ZNF391: variants seen among roughly 807,000 people sequenced by gnomAD.
ZNF391 encodes zinc finger protein 391.
For synonymous variants in ZNF391, 126 were observed against 142.1 expected (o/e 0.89, Z 0.80); for missense variants, 375 against 425.5 (o/e 0.88, Z 1.04).
rs551428754 is a variant in ZNF391, at chr6:27,402,168, A to C, written c.*721A>C. ...TATTTTTACCAAGAATGTTCTAAAA[A>C]TCTTGGAGACGTTCCTCCATGATCT... On this transcript the variant is annotated 3_prime_UTR_variant, in exon 3 of 3. Coordinates refer to ENST00000244576, the MANE Select transcript of ZNF391 (RefSeq NM_001076781.3). 14 of 152,304 alleles carry C rather than the reference A, an allele frequency of 9.2e-5. No homozygotes were observed. Among genetic ancestry groups the C allele is most frequent in the African/African-American group, 2.4e-4 (10 of 41,566 alleles). 9.4% of individuals were successfully genotyped at this position (152,304 alleles called of 1,614,324 possible).
At chr6:27,394,444 T>A (rs2113654251) in intron 1 of ZNF391, among the ~76,000 whole-genome samples, 1 of 152,354 alleles carries the variant, frequency 6.6e-6, no homozygotes, top group African/African-American at 2.4e-5. Context: ...AGCCTGTGGA[T>A]ATGCACAGTG....
In ZNF391 at chr6:27,381,135, G is replaced by A. The variant is rs534628656; in HGVS notation, n.523+5998G>A. On this transcript the variant is annotated intron_variant and non_coding_transcript_variant, in intron 1 of 2. Coordinates refer to the ZNF391 transcript ENST00000477999. ...AGCAGGGGGCGGCGCTCATCGGGGA[G>A]GCTTGGGCCGCACAGGAGCCCACGG... is the stretch of plus-strand genomic sequence containing the variant. Among the ~76,000 whole-genome samples, 244 of 152,368 alleles carry A rather than the reference G, an allele frequency of 1.6e-3. 1 individual carries two copies. The highest frequency in any genetic ancestry group is 5.5e-3 in the African/African-American group (229 of 41,594).
chr6:27,380,331 C>T (rs1275333183), intron 1 of ZNF391, among the ~76,000 whole-genome samples: 1 of 150,752 alleles, frequency 6.6e-6, no homozygotes, highest in Non-Finnish European at 1.5e-5. Context: ...CATAGCCTGG[C>T]GGCTCAGGAG....
rs945772832 is a variant in ZNF391, at chr6:27,403,125, C to G, written c.*1678C>G. 4.2e-5 allele frequency: 6 copies of G among 143,616 alleles called. No individual in the cohort carries two copies. The highest frequency in any genetic ancestry group is 1.6e-4 in the African/African-American group (6 of 38,328). The allele number at this position is 143,616 out of a possible 1,614,324, so 8.9% of individuals were successfully genotyped here. ...TTGACTCACTACCATTATCTAGCTC[C>G]TTACTAAACTACTACTTTGTTAAAA... On this transcript the variant is annotated 3_prime_UTR_variant, in exon 3 of 3. Coordinates refer to ENST00000244576, the MANE Select transcript of ZNF391 (RefSeq NM_001076781.3).
In ZNF391 at chr6:27,389,028, C is replaced by G. The variant is rs1210270660; in HGVS notation, c.-235C>G. ...CCGCCCGGGGTGTGTCGGGGGTACT[C>G]GGCCGGAGGCGGCCGGTGAGTGAGG... On this transcript the variant is annotated 5_prime_UTR_variant, in exon 1 of 3. Transcript: ENST00000244576. The G allele has an allele frequency of 4.4e-6, 2 of 455,964 alleles. No homozygotes were observed. Among genetic ancestry groups the G allele is most frequent in the Non-Finnish European group, 4.4e-6 (1 of 226,694 alleles). 28.2% of individuals were successfully genotyped at this position (455,964 alleles called of 1,614,324 possible). A position where few individuals can be genotyped will look rare whatever the true frequency, so the allele number is the denominator to read the frequency against.
chr6:27,397,448 T>G (rs2113658126), intron 1 of ZNF391, among the ~76,000 whole-genome samples: 1 of 152,210 alleles, frequency 6.6e-6, no homozygotes, highest in Admixed American at 6.5e-5. Flanking sequence ...ATTTTTTTCT[T>G]TTTTTCAGGG....
At chr6:27,397,083 T>A (rs770265651) in intron 1 of ZNF391, among the ~76,000 whole-genome samples, 1 of 152,232 alleles carries the variant, frequency 6.6e-6, no homozygotes, top group Non-Finnish European at 1.5e-5. Context: ...CTTGCATTGC[T>A]ATGGAAATGA....
intron 1 of ZNF391, among the ~76,000 whole-genome samples, chr6:27,389,987 G>C (rs185048733): frequency 2.0e-5 from 3 of 152,270 alleles, no homozygotes; most frequent in African/African-American, 7.2e-5. Flanking sequence ...CAATATCTGG[G>C]AACATTGTTA....
rs1761971295 is a variant in ZNF391 at position 27,401,593 on chromosome 6, T to C, written c.*146T>C. On this transcript the variant is annotated 3_prime_UTR_variant, in exon 3 of 3. Coordinates refer to ENST00000244576, the MANE Select transcript of ZNF391 (RefSeq NM_001076781.3). Reference sequence around the variant, plus strand: ...CCGTTTTAAGCTTTCATTCGTTCTTTCCATCCATCTATCCTTCTTTCGTCT... The same window carrying C: ...CCGTTTTAAGCTTTCATTCGTTCTTCCCATCCATCTATCCTTCTTTCGTCT... 2 of 552,200 alleles carry C rather than the reference T, an allele frequency of 3.6e-6. No individual in the cohort carries two copies. The highest frequency in any genetic ancestry group is 6.0e-6 in the Non-Finnish European group (2 of 334,544). The allele number at this position is 552,200 out of a possible 1,614,324, so 34.2% of individuals were successfully genotyped here.
chr6:27,388,507 T>C (rs934499875), upstream of ZNF391, among the ~76,000 whole-genome samples: 1 of 152,168 alleles, frequency 6.6e-6, no homozygotes, highest in Non-Finnish European at 1.5e-5. Context: ...TGGTGATTTA[T>C]TTGTGTACGC....
At chr6:27,387,304 T>A (rs9468111), upstream of ZNF391, among the ~76,000 whole-genome samples, 107,166 of 152,080 alleles carry the variant, frequency 0.7, 38,015 homozygotes, top group Middle Eastern at 0.8. Flanking sequence ...ATGGTTCCTC[T>A]AGAAAGCTGA....
chr6:27,402,351 C>T lies in ZNF391; in HGVS notation c.*904C>T, dbSNP rs1761992098. On this transcript the variant is annotated 3_prime_UTR_variant, in exon 3 of 3. Coordinates refer to ENST00000244576, the MANE Select transcript of ZNF391 (RefSeq NM_001076781.3). ...ACAAACCCAGTGCCTATTTCTCAGTCCTTTTTCTACTTGACATTTGCAGAA... is the reference window on the plus strand; with the variant it reads ...ACAAACCCAGTGCCTATTTCTCAGTTCTTTTTCTACTTGACATTTGCAGAA... The T allele has an allele frequency of 6.6e-6, 1 of 152,110 alleles. No individual in the cohort carries two copies. Among genetic ancestry groups the T allele is most frequent in the Non-Finnish European group, 1.5e-5 (1 of 68,014 alleles). The allele number at this position is 152,110 out of a possible 1,614,324, so 9.4% of individuals were successfully genotyped here. A position where few individuals can be genotyped will look rare whatever the true frequency, so the allele number is the denominator to read the frequency against.
chr6:27,379,453 T>A (rs922731406), intron 1 of ZNF391, among the ~76,000 whole-genome samples: 1 of 152,250 alleles, frequency 6.6e-6, no homozygotes, highest in Admixed American at 6.5e-5. Flanking sequence ...CATATTTAGG[T>A]CATTTCTCTT....
rs990572748 is a variant in ZNF391 at position 27,377,673 on chromosome 6, A to T, written n.523+2536A>T. 8.5e-5 allele frequency among the ~76,000 whole-genome samples: 13 copies of T among 152,328 alleles called. No individual in the cohort carries two copies. The East Asian group carries it at 2.3e-3, about 27-fold the overall frequency. ...CATTGATGTCTCATGTCTCCCTAAA[A>T]TATATAAAACCTAGCTGTGCCCTGA... On this transcript the variant is annotated intron_variant and non_coding_transcript_variant, in intron 1 of 2. Coordinates refer to the ZNF391 transcript ENST00000477999.
chr6:27,399,225 G>A (rs1488353544), intron 1 of ZNF391, among the ~76,000 whole-genome samples: 1 of 152,148 alleles, frequency 6.6e-6, no homozygotes, highest in Non-Finnish European at 1.5e-5. Context: ...TGATGTGTAT[G>A]TGTGTATGTA....
At chr6:27,400,231 G>T in intron 2 of ZNF391, 62 bp from the exon 3 acceptor site, 1 of 676,406 alleles carries the variant, frequency 1.5e-6, no homozygotes, top group South Asian at 3.0e-5. Flanking sequence ...TTCTCTGCTG[G>T]TTTATTTTCT....
intron 1 of ZNF391, among the ~76,000 whole-genome samples, chr6:27,383,584 A>G (rs780379252): frequency 4.6e-5 from 7 of 152,168 alleles, no homozygotes; most frequent in Admixed American, 2.0e-4. Context: ...CAGACTGCCA[A>G]ACTCTTGTAT....
At position 27,400,617 on chromosome 6, in the gene ZNF391, T is replaced by C; in HGVS notation, c.247T>C (p.Ser83Pro). ...AQQKIPKGHG[S>P]PISRKNSKDN... is the part of the protein sequence containing the mutation. ...ACAGAAAATTCCAAAGGGACATGGA[T>C]CCCCAATATCTAGGAAAAACTCCAA... The change falls in exon 3 of 3, where the codon TCC (serine) becomes CCC (proline). Residue 83 changes from serine to proline, a missense_variant. Ser to Pro is a moderately conservative substitution (Grantham distance 74). Transcript: ENST00000244576. 1.2e-6 allele frequency: 2 copies of C among 1,614,090 alleles called. No individual in the cohort carries two copies. Among genetic ancestry groups the C allele is most frequent in the South Asian group, 2.2e-5 (2 of 91,074 alleles).
chr6:27,394,875 A>G (rs993435606), intron 1 of ZNF391: 3 of 152,224 alleles, frequency 2.0e-5, no homozygotes, highest in African/African-American at 7.2e-5. Flanking sequence ...TTAAGATTTA[A>G]TGACTGCCTT....
Sources: allele counts gnomAD v4.1 joint callset (sites outside exome capture counted in the v4.1 genomes callset), GRCh38; gene constraint gnomAD v4.1.1; transcripts MANE v1.5; gene names NCBI Gene and HGNC (gene_info 2026-07-23, HGNC 2026-07-21).